The following SSX2IP variants were observed in gnomAD, a reference collection of about 807,000 sequenced individuals.
SSX2IP encodes afadin- and alpha-actinin-binding protein.
Under a neutral mutation model 84.9 loss-of-function variants are expected in SSX2IP, and 55 were observed. That is an observed-to-expected ratio of 0.65 (90% CI 0.52 to 0.81). The LOEUF (loss-of-function observed/expected upper bound fraction) is 0.81, where lower values mean the gene tolerates loss of function less well. Ranked by LOEUF, SSX2IP falls within the 30% of genes least tolerant of loss-of-function variation. SSX2IP has a pLI of 0.00. For synonymous variants in SSX2IP, 239 were observed against 234.7 expected, an observed-to-expected ratio of 1.02 and a Z score of -0.17; for missense variants, 664 against 705.2, an observed-to-expected ratio of 0.94 and a Z score of 0.66.
chr1:84,680,297 A>C (rs1654900387), intron 1 of SSX2IP: 1 of 152,222 alleles, frequency 6.6e-6, no homozygotes, highest in South Asian at 2.1e-4. Flanking sequence ...TAAAATCCAA[A>C]GCCAGACCAT....
chr1:84,679,293 G>T (rs970969000), intron 1 of SSX2IP, among the ~76,000 whole-genome samples: 2 of 152,156 alleles, frequency 1.3e-5, no homozygotes, highest in African/African-American at 4.8e-5. Flanking sequence ...CCTTAAAATT[G>T]TTCAGATGCG....
In SSX2IP at chr1:84,669,795, A is replaced by T. The variant is rs1653280814; in HGVS notation, c.312T>A (p.Asn104Lys). Residue 104 changes from asparagine to lysine, a missense_variant, in exon 4 of 14, where the codon AAT becomes AAA. Asn to Lys is a moderately conservative substitution (Grantham distance 94). Coordinates refer to ENST00000342203, the MANE Select transcript of SSX2IP (RefSeq NM_001166293.2). ...LNIVAVLNCM[N>K]ELLVLQRKNL... ...TCTTCCGCTGAAGCACAAGCAGCTC[A>T]TTCATACAATTTAGTACAGCTACTA... 2 of 1,613,762 alleles carry T rather than the reference A, an allele frequency of 1.2e-6. No individual in the cohort carries two copies. Among genetic ancestry groups the T allele is most frequent in the Non-Finnish European group, 1.7e-6 (2 of 1,179,734 alleles).
intron 1 of SSX2IP, among the ~76,000 whole-genome samples, chr1:84,672,012 C>T (rs574311056): frequency 3.3e-5 from 5 of 152,188 alleles, no homozygotes; most frequent in Admixed American, 2.6e-4. Flanking sequence ...AGCATTTAAA[C>T]GTAACTGTGT....
rs75861997 is a variant in SSX2IP at position 84,681,860 on chromosome 1, A to C, written c.-90+8511T>G. On this transcript the variant is annotated intron_variant, in intron 1 of 13. Coordinates refer to ENST00000342203, the MANE Select transcript of SSX2IP (RefSeq NM_001166293.2). ...AATGTCTGTGGGAATCTGGCCCATC[A>C]GGAAGACAGGGAACAGAAATACAGA... Among the ~76,000 whole-genome samples, 265 of 152,300 alleles carry C rather than the reference A, an allele frequency of 1.7e-3. 1 individual carries two copies. The highest frequency in any genetic ancestry group is 6.0e-3 in the African/African-American group (250 of 41,550).
rs1047742279 is a variant in SSX2IP, at chr1:84,647,814, G to A, written c.1671-207C>T. 2.0e-5 allele frequency among the ~76,000 whole-genome samples: 3 copies of A among 151,326 alleles called. No individual in the cohort carries two copies. The South Asian group carries it at 6.2e-4, about 31-fold the overall frequency. On this transcript the variant is annotated intron_variant, in intron 13 of 13. Transcript: ENST00000342203. ...TAATCCTAGCACTTTGGGAGGCTGA[G>A]GCAGCCGAACTGCTTGAGCCCAGGA...
At chr1:84,680,554 T>C (rs1006910656) in intron 1 of SSX2IP, among the ~76,000 whole-genome samples, 5 of 152,188 alleles carry the variant, frequency 3.3e-5, no homozygotes, top group Non-Finnish European at 5.9e-5. Context: ...CTAGCTATTA[T>C]TAGCTATTTT....
chr1:84,655,609 T>C, intron 11 of SSX2IP: 1 of 1,489,678 alleles, frequency 6.7e-7, no homozygotes, highest in Middle Eastern at 1.7e-4. Context: ...TAATAAATGC[T>C]TATAGCGTTT....
chr1:84,649,662 C>G (rs1044461629), intron 13 of SSX2IP: 2 of 235,756 alleles, frequency 8.5e-6, no homozygotes, highest in African/African-American at 4.6e-5. Flanking sequence ...ACCATACTTT[C>G]CAACTTACCC....
intron 1 of SSX2IP, among the ~76,000 whole-genome samples, chr1:84,687,689 C>G (rs1056966767): frequency 1.3e-5 from 2 of 152,182 alleles, no homozygotes; most frequent in Non-Finnish European, 2.9e-5. Context: ...TTGGATCACT[C>G]AAATTACTGA....
chr1:84,645,369 T>C lies in SSX2IP; in HGVS notation c.*2064A>G, dbSNP rs1282800873. ...GTAAAATGTACAACTTCTGGATCTA[T>C]GCAGACATTGAAGGTGCAATGAGTC... On this transcript the variant is annotated 3_prime_UTR_variant, in exon 14 of 14. Coordinates refer to ENST00000342203, the MANE Select transcript of SSX2IP (RefSeq NM_001166293.2). 1 of 152,200 alleles carries C rather than the reference T, an allele frequency of 6.6e-6. No individual in the cohort carries two copies. The highest frequency in any genetic ancestry group is 1.5e-5 in the Non-Finnish European group (1 of 68,022). 9.4% of individuals were successfully genotyped at this position (152,200 alleles called of 1,614,324 possible).
rs1426832956 is a variant in SSX2IP at position 84,647,225 on chromosome 1, T to TTATTCA, written c.*207_*208insTGAATA. The TTATTCA allele has an allele frequency of 2.6e-6, 1 of 388,844 alleles. No homozygotes were observed. Among genetic ancestry groups the TTATTCA allele is most frequent in the East Asian group, 4.0e-5 (1 of 25,078 alleles). 24.1% of individuals were successfully genotyped at this position (388,844 alleles called of 1,614,324 possible). A position where few individuals can be genotyped will look rare whatever the true frequency, so the allele number is the denominator to read the frequency against. On this transcript the variant is annotated 3_prime_UTR_variant, in exon 14 of 14. Transcript: ENST00000342203. ...TCCTTTATTCACAGAACCAGATGCT[T>TTATTCA]CTGTTACTAAAAATACATATCCAAA...
At chr1:84,687,943 T>C (rs1377565913) in intron 1 of SSX2IP, among the ~76,000 whole-genome samples, 2 of 152,186 alleles carry the variant, frequency 1.3e-5, no homozygotes, top group Admixed American at 6.5e-5. Context: ...GAAATTCTCC[T>C]TCTTTTTGAA....
intron 8 of SSX2IP, among the ~76,000 whole-genome samples, chr1:84,660,499 G>T (rs1316274691): frequency 6.6e-6 from 1 of 152,124 alleles, no homozygotes; most frequent in African/African-American, 2.4e-5. Context: ...GAGATAAGAG[G>T]TTAACTACAT....
At chr1:84,661,987 T>A (rs1346293144) in intron 8 of SSX2IP, among the ~76,000 whole-genome samples, 2 of 152,120 alleles carry the variant, frequency 1.3e-5, no homozygotes, top group East Asian at 1.9e-4. Context: ...ATGTATTAAT[T>A]CCCCGGAAAA....
intron 4 of SSX2IP, among the ~76,000 whole-genome samples, chr1:84,668,583 A>G (rs978274807): frequency 1.1e-4 from 17 of 152,188 alleles, no homozygotes; most frequent in Admixed American, 4.6e-4. Context: ...AGGTGCTCGT[A>G]AAGAGCAAAG....
chr1:84,649,966 T>C (rs1434906353), intron 13 of SSX2IP: 4 of 574,186 alleles, frequency 7.0e-6, no homozygotes, highest in Non-Finnish European at 1.3e-5. Context: ...AACAATAAAA[T>C]GGGCATGCCG....
intron 4 of SSX2IP, 82 bp downstream of exon 4, chr1:84,669,599 G>A (rs1041667244): frequency 1.3e-5 from 16 of 1,191,882 alleles, no homozygotes; most frequent in African/African-American, 6.3e-5. Context: ...AGAAAACCCT[G>A]AAATATTTAA....
intron 8 of SSX2IP, among the ~76,000 whole-genome samples, chr1:84,659,556 T>C (rs1160044773): frequency 6.6e-6 from 1 of 151,978 alleles, no homozygotes. Context: ...TCCCAGCACT[T>C]TGGGAGGCAG....
intron 5 of SSX2IP, among the ~76,000 whole-genome samples, chr1:84,664,767 C>G (rs950555880): frequency 6.6e-6 from 1 of 151,972 alleles, no homozygotes; most frequent in African/African-American, 2.4e-5. Context: ...TAAATTATCT[C>G]CTATACCTTT....
Sources: gnomAD v4.1 joint callset for allele counts (sites outside exome capture counted in the v4.1 genomes callset) on GRCh38, gnomAD v4.1.1 for gene constraint, MANE v1.5 for transcripts, NCBI Gene and HGNC (gene_info 2026-07-23, HGNC 2026-07-21) for gene names.